AFAP1L2: variants seen among roughly 807,000 people sequenced by gnomAD.
AFAP1L2 encodes the protein actin filament-associated protein 1-like 2.
AFAP1L2 carries 46 observed loss-of-function variants against 99.3 expected under a neutral mutation model. The observed-to-expected ratio is 0.46, with a 90% CI of 0.37 to 0.59. The LOEUF is 0.59. Among genes scored for constraint, AFAP1L2 ranks in the 20% least tolerant of loss-of-function variants. AFAP1L2 has a pLI of 0.00. For missense variants in AFAP1L2, 959 were observed against 1,034.9 expected, an observed-to-expected ratio of 0.93 and a Z score of 1.01; for synonymous variants, 397 against 419.1, an observed-to-expected ratio of 0.95 and a Z score of 0.64.
At chr10:114,320,665 C>T (rs139304800) in intron 5 of AFAP1L2, among the ~76,000 whole-genome samples, 2 of 152,368 alleles carry the variant, frequency 1.3e-5, no homozygotes, top group African/African-American at 4.8e-5. Flanking sequence ...GTCCCGGCTA[C>T]GACCAATATG....
intron 1 of AFAP1L2, among the ~76,000 whole-genome samples, chr10:114,376,415 C>T (rs933579247): frequency 1.3e-5 from 2 of 152,186 alleles, no homozygotes; most frequent in South Asian, 2.1e-4. Context: ...GAGAACTAAA[C>T]TTTGATGCTG....
intron 8 of AFAP1L2, among the ~76,000 whole-genome samples, chr10:114,308,851 A>G (rs1043612765): frequency 1.3e-5 from 2 of 152,200 alleles, no homozygotes; most frequent in African/African-American, 2.4e-5. Flanking sequence ...GTCTTTTGAG[A>G]GCTGACTGTT....
chr10:114,334,918 C>G (rs960872826), intron 2 of AFAP1L2, among the ~76,000 whole-genome samples: 3 of 152,240 alleles, frequency 2.0e-5, no homozygotes, highest in African/African-American at 7.2e-5. Flanking sequence ...TGACAAAATA[C>G]TGCCTGTTTC....
At chr10:114,360,318 C>T (rs1429520227) in intron 1 of AFAP1L2, among the ~76,000 whole-genome samples, 2 of 152,164 alleles carry the variant, frequency 1.3e-5, no homozygotes, top group Non-Finnish European at 2.9e-5. Flanking sequence ...ATTGGATCTT[C>T]TGGTACTCAG....
In AFAP1L2 at chr10:114,304,886, A is replaced by AC; in HGVS notation, c.1116dup (p.Cys373ValfsTer56). ...TGCAGGTGATTGTCCCTGACAGAGC[A>AC]CCAGCGAGACTTCCACTGGCTGTTC... is the stretch of plus-strand genomic sequence containing the variant. On this transcript the variant is annotated frameshift_variant, in exon 11 of 19. Coordinates refer to ENST00000304129, the MANE Select transcript of AFAP1L2 (RefSeq NM_001001936.3). LOFTEE classifies it high-confidence loss of function. 1 of 1,613,358 alleles carries AC rather than the reference A, an allele frequency of 6.2e-7. No homozygotes were observed. Among genetic ancestry groups the AC allele is most frequent in the Non-Finnish European group, 8.5e-7 (1 of 1,180,012 alleles).
chr10:114,372,934 G>A (rs1318358257), intron 1 of AFAP1L2, among the ~76,000 whole-genome samples: 3 of 152,238 alleles, frequency 2.0e-5, no homozygotes, highest in Non-Finnish European at 4.4e-5. Flanking sequence ...TGCCTTGGAG[G>A]CAACAGACAG....
chr10:114,395,790 A>G (rs1424600852), intron 1 of AFAP1L2, among the ~76,000 whole-genome samples: 1 of 150,362 alleles, frequency 6.7e-6, no homozygotes, highest in Non-Finnish European at 1.5e-5. Flanking sequence ...GGAATCCCCC[A>G]CTCATAAGCT....
intron 10 of AFAP1L2, 47 bp downstream of exon 10, chr10:114,307,758 A>C: frequency 6.5e-7 from 1 of 1,541,768 alleles, no homozygotes; most frequent in Non-Finnish European, 9.0e-7. Flanking sequence ...TGCAGGTTCC[A>C]GCCCAGGAAA....
At chr10:114,328,613 TG>T (rs2046779420) in intron 4 of AFAP1L2, among the ~76,000 whole-genome samples, 1 of 152,196 alleles carries the variant, frequency 6.6e-6, no homozygotes, top group African/African-American at 2.4e-5. Flanking sequence ...AACAGATGTT[TG>T]TTGGCCACGG....
At chr10:114,340,024 A>G (rs990172985) in intron 2 of AFAP1L2, among the ~76,000 whole-genome samples, 2 of 143,794 alleles carry the variant, frequency 1.4e-5, no homozygotes, top group South Asian at 2.3e-4. Flanking sequence ...AAAAAAAAAA[A>G]AGAGAGAGAG....
intron 1 of AFAP1L2, among the ~76,000 whole-genome samples, chr10:114,351,029 T>G (rs1336276235): frequency 6.6e-6 from 1 of 151,918 alleles, no homozygotes; most frequent in Non-Finnish European, 1.5e-5. Context: ...GGCACAAAGG[T>G]TTGCCTGGGT....
At chr10:114,353,331 G>A (rs1180624400) in intron 1 of AFAP1L2, among the ~76,000 whole-genome samples, 1 of 152,232 alleles carries the variant, frequency 6.6e-6, no homozygotes, top group East Asian at 1.9e-4. Context: ...CAAACTAGCT[G>A]TTCTTCTATA....
intron 4 of AFAP1L2, among the ~76,000 whole-genome samples, chr10:114,324,313 G>A (rs190974008): frequency 9.9e-5 from 15 of 151,896 alleles, no homozygotes; most frequent in Non-Finnish European, 1.6e-4. Context: ...GTGCAATCTC[G>A]GCTCACTGCA....
At chr10:114,333,192 T>C (rs1362895626) in intron 3 of AFAP1L2, 29 bp downstream of exon 3, 1 of 1,598,832 alleles carries the variant, frequency 6.3e-7, no homozygotes, top group Non-Finnish European at 8.6e-7. Context: ...GTGGCCATCA[T>C]ACCAGCGTCA....
rs1322509529 is a variant in AFAP1L2 at position 114,391,954 on chromosome 10, C to A, written c.16+12486G>T. Among the ~76,000 whole-genome samples the A allele has an allele frequency of 2.0e-5, 3 of 152,202 alleles. No individual in the cohort carries two copies. The East Asian group carries it at 5.8e-4, about 29-fold the overall frequency. On this transcript the variant is annotated intron_variant, in intron 1 of 18. Transcript: ENST00000304129. Reference sequence around the variant, plus strand: ...GTACAAGGAACAGCACACCTCCTTACTCTCCCCACAGCCACTGGTGAGCTG... The same window carrying A: ...GTACAAGGAACAGCACACCTCCTTAATCTCCCCACAGCCACTGGTGAGCTG...
At chr10:114,358,994 T>C (rs373606466) in intron 1 of AFAP1L2, among the ~76,000 whole-genome samples, 12 of 152,198 alleles carry the variant, frequency 7.9e-5, no homozygotes, top group African/African-American at 2.4e-4. Flanking sequence ...GATTCGTATA[T>C]ACATACAGGA....
intron 1 of AFAP1L2, among the ~76,000 whole-genome samples, chr10:114,345,497 A>T (rs2049418420): frequency 6.6e-6 from 1 of 152,150 alleles, no homozygotes; most frequent in Admixed American, 6.5e-5. Context: ...GTGTGAGCTA[A>T]TCATGGCAGC....
intron 11 of AFAP1L2, 28 bp downstream of exon 11, chr10:114,304,691 C>T: frequency 6.4e-7 from 1 of 1,570,226 alleles, no homozygotes; most frequent in South Asian, 1.1e-5. Context: ...CCCTGGCTGG[C>T]CCTGCTCCCC....
chr10:114,297,966 T>TC (rs2040523682), intron 16 of AFAP1L2, among the ~76,000 whole-genome samples: 1 of 152,078 alleles, frequency 6.6e-6, no homozygotes, highest in African/African-American at 2.4e-5. Flanking sequence ...CCACATAGAG[T>TC]CCTGAGCACA....
Sources: gnomAD v4.1 joint callset for allele counts (sites outside exome capture counted in the v4.1 genomes callset) on GRCh38, gnomAD v4.1.1 for gene constraint, MANE v1.5 for transcripts, NCBI Gene and HGNC (gene_info 2026-07-23, HGNC 2026-07-21) for gene names.